Variants in ATP8A1 observed in about 807,000 individuals in gnomAD.
ATP8A1 encodes phospholipid-transporting ATPase IA.
Under a neutral mutation model 177.7 loss-of-function variants are expected in ATP8A1, and 90 were observed. The ratio of observed to expected loss-of-function variants is 0.51; its 90% CI spans 0.43 to 0.60. The LOEUF is 0.60. ATP8A1 is among the 20% of genes least tolerant of loss of function. The pLI, the probability that ATP8A1 is intolerant of heterozygous loss-of-function variation, is 0.00. For synonymous variants in ATP8A1, 493 were observed against 485.9 expected (o/e 1.01, Z -0.19); for missense variants, 1,072 against 1,392.8 (o/e 0.77, Z 3.67).
chr4:42,426,072 T>C (rs920909882), intron 33 of ATP8A1, among the ~76,000 whole-genome samples: 1 of 152,202 alleles, frequency 6.6e-6, no homozygotes, highest in African/African-American at 2.4e-5. Context: ...AGAAGAGGAA[T>C]TGTTCTGAAA....
At chr4:42,423,458 T>C (rs576788347) in intron 34 of ATP8A1, among the ~76,000 whole-genome samples, 159 bp downstream of exon 34, 1 of 152,324 alleles carries the variant, frequency 6.6e-6, no homozygotes, top group South Asian at 2.1e-4. Flanking sequence ...TTAAACTAGT[T>C]TTCTAGTTCC....
intron 22 of ATP8A1, among the ~76,000 whole-genome samples, chr4:42,514,101 G>T (rs1413787651): frequency 6.6e-6 from 1 of 152,128 alleles, no homozygotes; most frequent in Non-Finnish European, 1.5e-5. Context: ...CATTGGAATG[G>T]CTCATTTGCC....
intron 1 of ATP8A1, among the ~76,000 whole-genome samples, chr4:42,636,152 A>G (rs767447470): frequency 0.29 from 9,855 of 33,716 alleles, 760 homozygotes; most frequent in African/African-American, 0.46. Flanking sequence ...ACACACACAC[A>G]CACACGCACA....
At chr4:42,419,573 T>C (rs940558526) in intron 35 of ATP8A1, among the ~76,000 whole-genome samples, 1 of 152,110 alleles carries the variant, frequency 6.6e-6, no homozygotes, top group Non-Finnish European at 1.5e-5. Context: ...AAGAAGGGGC[T>C]CCCAAACAGG....
At chr4:42,598,910 CT>C (rs889163752) in intron 6 of ATP8A1, among the ~76,000 whole-genome samples, 20 of 152,102 alleles carry the variant, frequency 1.3e-4, no homozygotes, top group African/African-American at 4.3e-4. Context: ...GGCTGGATGA[CT>C]TTTGGCAACA....
chr4:42,629,295 C>T (rs970715338), intron 1 of ATP8A1, among the ~76,000 whole-genome samples: 2 of 152,182 alleles, frequency 1.3e-5, no homozygotes, highest in African/African-American at 4.8e-5. Context: ...AAACTGTTGC[C>T]AGGGGTAGGA....
Position 42,624,649 on chromosome 4 carries a change from A to C in ATP8A1, c.265-15T>G, listed in dbSNP as rs758798484. On this transcript the variant is annotated splice_polypyrimidine_tract_variant and intron_variant, in intron 3 of 36. Transcript: ENST00000381668. ...TCAGGTATTTGCTGTTTGGAAAAAA[A>C]AAAAAAAGAGAAATCCAATGAGAAC... is the stretch of plus-strand genomic sequence containing the variant. 3 of 1,330,798 alleles carry C rather than the reference A, an allele frequency of 2.3e-6. No homozygotes were observed. 82.4% of individuals were successfully genotyped at this position (1,330,798 alleles called of 1,614,324 possible). A position where few individuals can be genotyped will look rare whatever the true frequency, so the allele number is the denominator to read the frequency against.
intron 15 of ATP8A1, among the ~76,000 whole-genome samples, chr4:42,568,958 C>T (rs919027502): frequency 5.9e-5 from 9 of 152,080 alleles, no homozygotes; most frequent in African/African-American, 2.2e-4. Flanking sequence ...AATCTATAAA[C>T]TACATGTTTC....
intron 1 of ATP8A1, among the ~76,000 whole-genome samples, chr4:42,649,341 T>C (rs1577784194): frequency 6.6e-6 from 1 of 152,314 alleles, no homozygotes; most frequent in Non-Finnish European, 1.5e-5. Context: ...CAGATATCCA[T>C]AAAATTATTA....
intron 19 of ATP8A1, among the ~76,000 whole-genome samples, chr4:42,548,566 T>G (rs1729163455): frequency 1.3e-5 from 2 of 152,320 alleles, no homozygotes; most frequent in African/African-American, 4.8e-5. Flanking sequence ...TTAAGTCCTC[T>G]CTTCTAGTAT....
chr4:42,543,673 T>C (rs1373559211), intron 20 of ATP8A1, among the ~76,000 whole-genome samples: 1 of 152,108 alleles, frequency 6.6e-6, no homozygotes, highest in Non-Finnish European at 1.5e-5. Flanking sequence ...ACCTCAAATA[T>C]TATGTATCAA....
intron 33 of ATP8A1, among the ~76,000 whole-genome samples, chr4:42,438,046 C>A (rs1183645597): frequency 7.0e-6 from 1 of 142,006 alleles, no homozygotes; most frequent in Non-Finnish European, 1.6e-5. Context: ...ATGGGTGGCA[C>A]TGATGCTAGA....
At chr4:42,623,009 CA>C (rs200111147) in intron 4 of ATP8A1, among the ~76,000 whole-genome samples, 98 of 116,112 alleles carry the variant, frequency 8.4e-4, no homozygotes, top group Middle Eastern at 4.8e-3. Flanking sequence ...AACTCTGTCT[CA>C]AAAAAAAAAA....
chr4:42,573,026 A>G (rs1360289160), intron 14 of ATP8A1, among the ~76,000 whole-genome samples: 1 of 152,200 alleles, frequency 6.6e-6, no homozygotes. Context: ...ACAGACACAG[A>G]TGGGCACTGC....
rs947864671 is a variant in ATP8A1, at chr4:42,636,041, G to C, written c.50-8932C>G. ...TGTGCTTACTTTTAAGTCAAAGAGGGGCATGGTAACTTGATGGAGCAGTCC... is the reference window on the plus strand; with the variant it reads ...TGTGCTTACTTTTAAGTCAAAGAGGCGCATGGTAACTTGATGGAGCAGTCC... On this transcript the variant is annotated intron_variant, in intron 1 of 36. Coordinates refer to ENST00000381668, the MANE Select transcript of ATP8A1 (RefSeq NM_006095.2). Among the ~76,000 whole-genome samples, 5 of 147,610 alleles carry C rather than the reference G, an allele frequency of 3.4e-5. No individual in the cohort carries two copies. In the East Asian group the frequency reaches 1.0e-3, roughly 29 times the overall value.
chr4:42,460,909 C>G (rs1189038392), intron 27 of ATP8A1, among the ~76,000 whole-genome samples: 2 of 152,152 alleles, frequency 1.3e-5, no homozygotes, highest in Non-Finnish European at 2.9e-5. Flanking sequence ...CCTAGAATTA[C>G]TACACATATA....
rs866402689 is a variant in ATP8A1 at position 42,616,037 on chromosome 4, C to T, written c.405G>A (p.Thr135=). 2.2e-5 allele frequency: 35 copies of T among 1,611,268 alleles called. No homozygotes were observed. The Middle Eastern group carries it at 2.2e-3, about 99-fold the overall frequency. ...KADNAVNKKQ[T]QVLRNGAWEI... ...AAAAGCATGTAAAATTCCTACCTTG[C>T]GTTTGTTTCTTGTTCACTGCATTAT... The change falls in exon 5 of 37, where the codon ACG becomes ACA. Residue 135 remains threonine (T), a synonymous_variant. Transcript: ENST00000381668.
intron 15 of ATP8A1, among the ~76,000 whole-genome samples, chr4:42,562,721 A>G (rs1172979619): frequency 6.6e-6 from 1 of 152,172 alleles, no homozygotes; most frequent in African/African-American, 2.4e-5. Context: ...CCATGGGGGC[A>G]GGTCTTTCCT....
At chr4:42,523,768 G>A (rs1378769880) in intron 21 of ATP8A1, among the ~76,000 whole-genome samples, 2 of 152,158 alleles carry the variant, frequency 1.3e-5, no homozygotes, top group Non-Finnish European at 2.9e-5. Flanking sequence ...CACCTGCCAA[G>A]GACTGAGGCT....
Sources: allele counts gnomAD v4.1 joint callset (sites outside exome capture counted in the v4.1 genomes callset), GRCh38; gene constraint gnomAD v4.1.1; transcripts MANE v1.5; gene names NCBI Gene and HGNC (gene_info 2026-07-23, HGNC 2026-07-21).